ZNF804A: variants seen among roughly 807,000 people sequenced by gnomAD.
ZNF804A encodes zinc finger protein 804A.
Under a neutral mutation model 16.5 loss-of-function variants are expected in ZNF804A, and 2 were observed. That is an observed-to-expected ratio of 0.12 (90% CI 0.05 to 0.38). The LOEUF (loss-of-function observed/expected upper bound fraction) is 0.38. ZNF804A is among the 10% of genes least tolerant of loss of function. ZNF804A has a pLI of 0.99. For missense variants in ZNF804A, 1,473 were observed against 1,390.7 expected (o/e 1.06, Z -0.94); for synonymous variants, 534 against 489.6 (o/e 1.09, Z -1.20).
At position 184,854,087 on chromosome 2, in the gene ZNF804A, C is replaced by T. The variant is rs888383553; in HGVS notation, c.112-12282C>T. ...CTTCTTATTTAATCCTTGTTAGTAA[C>T]GATTTGATCTTCCTACTCATTATTG... On this transcript the variant is annotated intron_variant, in intron 1 of 3. Coordinates refer to ENST00000302277, the MANE Select transcript of ZNF804A (RefSeq NM_194250.2). 2.6e-5 allele frequency among the ~76,000 whole-genome samples: 4 copies of T among 151,680 alleles called. 1 individual carries two copies. The highest frequency in any genetic ancestry group is 7.3e-5 in the African/African-American group (3 of 41,318).
At chr2:184,688,344 CTG>C (rs58942655) in intron 1 of ZNF804A, among the ~76,000 whole-genome samples, 26,000 of 146,832 alleles carry the variant, frequency 0.18, 2,316 homozygotes, top group South Asian at 0.25. Context: ...CTCTCTCTTT[CTG>C]TGTGTGTGTG....
At chr2:184,768,562 A>T (rs562701698) in intron 1 of ZNF804A, among the ~76,000 whole-genome samples, 48 of 152,156 alleles carry the variant, frequency 3.2e-4, no homozygotes, top group African/African-American at 7.9e-4. Context: ...GAATCTCCTT[A>T]ATTTCTGTTT....
At chr2:184,902,051 G>A (rs1435897544) in intron 2 of ZNF804A, 1 of 152,064 alleles carries the variant, frequency 6.6e-6, no homozygotes, top group Non-Finnish European at 1.5e-5. Flanking sequence ...GTCATCAGGT[G>A]TTGGAAAATA....
intron 2 of ZNF804A, among the ~76,000 whole-genome samples, chr2:184,892,078 G>T (rs1684992574): frequency 6.6e-6 from 1 of 152,144 alleles, no homozygotes; most frequent in South Asian, 2.1e-4. Flanking sequence ...TAGGTTTTCT[G>T]CAGGAACTTG....
chr2:184,783,556 C>T (rs571884459), intron 1 of ZNF804A, among the ~76,000 whole-genome samples: 2 of 151,980 alleles, frequency 1.3e-5, no homozygotes, highest in South Asian at 2.1e-4. Context: ...AAATGAGTCT[C>T]TTTCTGTCTC....
At chr2:184,839,814 G>A (rs1359171144) in intron 1 of ZNF804A, among the ~76,000 whole-genome samples, 1 of 151,904 alleles carries the variant, frequency 6.6e-6, no homozygotes, top group East Asian at 1.9e-4. Flanking sequence ...AGAATTTTGA[G>A]GTTATTTTTT....
intron 1 of ZNF804A, among the ~76,000 whole-genome samples, chr2:184,717,247 T>C (rs896680298): frequency 6.6e-6 from 1 of 152,180 alleles, no homozygotes. Flanking sequence ...CCCTGAAATC[T>C]TTTCATTTAT....
intron 1 of ZNF804A, among the ~76,000 whole-genome samples, chr2:184,666,957 C>T (rs1406760181): frequency 2.6e-5 from 4 of 151,868 alleles, no homozygotes; most frequent in Admixed American, 2.6e-4. Flanking sequence ...TTAATTACAT[C>T]TAAATTTTGG....
chr2:184,613,108 G>C (rs565685212), intron 1 of ZNF804A, among the ~76,000 whole-genome samples: 1 of 152,196 alleles, frequency 6.6e-6, no homozygotes, highest in East Asian at 1.9e-4. Context: ...AGCAAGGTGC[G>C]GATATAATTC....
intron 1 of ZNF804A, among the ~76,000 whole-genome samples, chr2:184,750,133 G>C (rs559386079): frequency 6.6e-6 from 1 of 151,052 alleles, no homozygotes; most frequent in Non-Finnish European, 1.5e-5. Flanking sequence ...TACTTGTGTT[G>C]GTTAATTTTT....
chr2:184,675,329 G>T (rs1692404982), intron 1 of ZNF804A, among the ~76,000 whole-genome samples: 1 of 151,542 alleles, frequency 6.6e-6, no homozygotes, highest in Non-Finnish European at 1.5e-5. Flanking sequence ...TGCTGTTATT[G>T]TCATATCTCC....
At chr2:184,652,204 T>C (rs554608118) in intron 1 of ZNF804A, among the ~76,000 whole-genome samples, 2 of 152,244 alleles carry the variant, frequency 1.3e-5, no homozygotes, top group South Asian at 4.1e-4. Context: ...CCAAACACTG[T>C]ATGTTTTCAC....
rs137895739 is a variant in ZNF804A at position 184,935,879 on chromosome 2, T to C, written c.483T>C (p.Asn161=). ...ISQRVVVDSV[N]NQQDFKYTLI... The stretch of plus-strand genomic sequence containing the variant: ...AACGAGTTGTTGTGGATTCAGTTAA[T>C]AACCAGCAAGATTTCAAATATACTT... The change falls in exon 4 of 4, where the codon AAT becomes AAC. Residue 161 remains asparagine, a synonymous_variant. Coordinates refer to ENST00000302277, the MANE Select transcript of ZNF804A (RefSeq NM_194250.2). The C allele has an allele frequency of 6.0e-5, 97 of 1,613,810 alleles. No individual in the cohort carries two copies. The African/African-American group carries it at 1.1e-3, about 19-fold the overall frequency.
Position 184,866,523 on chromosome 2 carries a change from GAT to G in ZNF804A, c.255+12_255+13del, listed in dbSNP as rs754567468. ...CATGCTCACAAGCAGGTAAGAAAGA[GAT>G]GTGAAAAAATTCTGGCATTTCTGGA... On this transcript the variant is annotated intron_variant, in intron 2 of 3. Transcript: ENST00000302277. 6.3e-7 allele frequency: 1 copy of G among 1,591,696 alleles called. No individual in the cohort carries two copies.
chr2:184,899,092 T>C (rs1330297027), intron 2 of ZNF804A, among the ~76,000 whole-genome samples: 1 of 151,974 alleles, frequency 6.6e-6, no homozygotes, highest in African/African-American at 2.4e-5. Context: ...AATCACCATG[T>C]TCAAGGATTT....
rs568703513 is a variant in ZNF804A at position 184,751,889 on chromosome 2, T to C, written c.112-114480T>C. 5.3e-5 allele frequency among the ~76,000 whole-genome samples: 8 copies of C among 151,662 alleles called. No individual in the cohort carries two copies. In the South Asian group the frequency reaches 1.7e-3, roughly 32 times the overall value. On this transcript the variant is annotated intron_variant, in intron 1 of 3. Transcript: ENST00000302277. The stretch of plus-strand genomic sequence containing the variant: ...AACACCACAAAAAAAATGCTCAATA[T>C]CACTAATCATGAGAGAAATGCAAAT...
At chr2:184,799,301 C>T (rs150039687) in intron 1 of ZNF804A, among the ~76,000 whole-genome samples, 4 of 151,926 alleles carry the variant, frequency 2.6e-5, no homozygotes, top group South Asian at 2.1e-4. Context: ...CCTGATGCAC[C>T]GATTGATTTT....
At chr2:184,799,422 C>A (rs146899750) in intron 1 of ZNF804A, among the ~76,000 whole-genome samples, 53 of 152,124 alleles carry the variant, frequency 3.5e-4, no homozygotes, top group African/African-American at 1.3e-3. Flanking sequence ...GCATTATGTA[C>A]CTGAAATATA....
chr2:184,706,565 C>A (rs984278980), intron 1 of ZNF804A, among the ~76,000 whole-genome samples: 1 of 152,074 alleles, frequency 6.6e-6, no homozygotes, highest in Admixed American at 6.6e-5. Flanking sequence ...GATGACTGAG[C>A]CTCTGGCTTT....
Sources: gnomAD v4.1 joint callset for allele counts (sites outside exome capture counted in the v4.1 genomes callset) on GRCh38, gnomAD v4.1.1 for gene constraint, MANE v1.5 for transcripts, NCBI Gene and HGNC (gene_info 2026-07-23, HGNC 2026-07-21) for gene names.